Variants in TRPS1 observed in about 807,000 individuals in gnomAD.
The protein encoded by TRPS1 is transcriptional repressor GATA binding 1.
TRPS1 carries 6 observed loss-of-function variants against 101.2 expected under a neutral mutation model. The observed-to-expected ratio is 0.06, with a 90% CI of 0.03 to 0.12. TRPS1 has a LOEUF of 0.12. Among genes scored for constraint, TRPS1 ranks in the 10% least tolerant of loss-of-function variants. The probability of loss-of-function intolerance (pLI) is 1.00; values close to 1 mark genes in which losing one functional copy is unlikely to be tolerated. For missense variants in TRPS1, 1,363 were observed against 1,567.0 expected, an observed-to-expected ratio of 0.87 and a Z score of 2.20; for synonymous variants, 578 against 589.8, an observed-to-expected ratio of 0.98 and a Z score of 0.29.
chr8:115,428,824 G>C (rs542756239), intron 5 of TRPS1, among the ~76,000 whole-genome samples: 4 of 152,144 alleles, frequency 2.6e-5, no homozygotes, highest in African/African-American at 9.6e-5. Context: ...ATTCAATTTT[G>C]TATGTCCTCA....
intron 5 of TRPS1, among the ~76,000 whole-genome samples, chr8:115,487,518 A>C (rs1308932426): frequency 6.6e-6 from 1 of 152,180 alleles, no homozygotes; most frequent in Non-Finnish European, 1.5e-5. Flanking sequence ...GAAAACCTTC[A>C]AAAAAGGATT....
At position 115,587,016 on chromosome 8, in the gene TRPS1, G is replaced by C. The variant is rs1225462035; in HGVS notation, c.2685C>G (p.Ser895=). 1.9e-6 allele frequency: 3 copies of C among 1,614,154 alleles called. No individual in the cohort carries two copies. In the South Asian group the frequency reaches 3.3e-5, roughly 18 times the overall value. ...ASGENKSKDE[S]QSLLRRRRGS... is the part of the protein sequence containing the mutation. ...ACCATCCTACCCGTAACAGGGACTG[G>C]GATTCATCCTTGGACTTGTTTTCTC... The change falls in exon 5 of 7, where the codon TCC becomes TCG. Residue 895 remains serine (S), a synonymous_variant. Coordinates refer to ENST00000395715, the MANE Select transcript of TRPS1 (RefSeq NM_014112.5).
chr8:115,417,603 G>A (rs1248316578), intron 6 of TRPS1, among the ~76,000 whole-genome samples: 1 of 152,098 alleles, frequency 6.6e-6, no homozygotes, highest in Non-Finnish European at 1.5e-5. Flanking sequence ...TTCAGATGGA[G>A]GATTTGTGAG....
At chr8:115,602,346 ATATCCACGC>A (rs1182472337) in intron 4 of TRPS1, among the ~76,000 whole-genome samples, 1 of 152,218 alleles carries the variant, frequency 6.6e-6, no homozygotes, top group African/African-American at 2.4e-5. Context: ...ACATACACAC[ATATCCACGC>A]TAGTAAAGCT....
At chr8:115,631,401 T>C (rs1444727352) in intron 1 of TRPS1, among the ~76,000 whole-genome samples, 1 of 152,116 alleles carries the variant, frequency 6.6e-6, no homozygotes, top group Non-Finnish European at 1.5e-5. Context: ...TCAATATATA[T>C]AAATAGCTAC....
At position 115,617,108 on chromosome 8, in the gene TRPS1, G is replaced by A. The variant is rs572238366; in HGVS notation, c.966+2024C>T. On this transcript the variant is annotated intron_variant, in intron 3 of 6. Transcript: ENST00000395715. Reference sequence around the variant, plus strand: ...AAATTGAAGTTAACCCTTTAGATGCGTTTCAAAATCCAATTGTTTGTTTGA... The same window carrying A: ...AAATTGAAGTTAACCCTTTAGATGCATTTCAAAATCCAATTGTTTGTTTGA... Among the ~76,000 whole-genome samples, 41 of 152,238 alleles carry A rather than the reference G, an allele frequency of 2.7e-4. No homozygotes were observed. The South Asian group carries it at 6.0e-3, about 22-fold the overall frequency.
chr8:115,445,340 G>A (rs956524130), intron 5 of TRPS1, among the ~76,000 whole-genome samples: 27 of 152,086 alleles, frequency 1.8e-4, no homozygotes, highest in African/African-American at 5.1e-4. Flanking sequence ...AGCCTACCTC[G>A]TCAGCTAAAC....
chr8:115,665,809 A>C (rs1811908193), intron 1 of TRPS1, among the ~76,000 whole-genome samples: 1 of 152,198 alleles, frequency 6.6e-6, no homozygotes, highest in African/African-American at 2.4e-5. Context: ...CAGCATCTAG[A>C]ATTCAAAGGA....
intron 1 of TRPS1, chr8:115,668,268 T>A: frequency 5.1e-6 from 1 of 195,994 alleles, no homozygotes; most frequent in Non-Finnish European, 9.9e-6. Context: ...AATCACACGC[T>A]CAAAAAGGAA....
chr8:115,603,838 G>T, intron 4 of TRPS1, 35 bp downstream of exon 4: 1 of 1,610,500 alleles, frequency 6.2e-7, no homozygotes, highest in Non-Finnish European at 8.5e-7. Flanking sequence ...TATTTTATTT[G>T]TATATTCCTC....
In TRPS1 at chr8:115,532,244, A is replaced by AT. The variant is rs35571991; in HGVS notation, c.2700+54756dup. Among the ~76,000 whole-genome samples, 712 of 149,588 alleles carry AT rather than the reference A, an allele frequency of 4.8e-3. 4 individuals carry two copies. Among genetic ancestry groups the AT allele is most frequent in the African/African-American group, 8.6e-3 (353 of 40,884 alleles). ...AAGAAATGGAATGAAATCAGAGCGCATTTTTTTTTTTTTACCATACATGGT... is the reference window on the plus strand; with the variant it reads ...AAGAAATGGAATGAAATCAGAGCGCATTTTTTTTTTTTTTACCATACATGGT... On this transcript the variant is annotated intron_variant, in intron 5 of 6. Transcript: ENST00000395715.
chr8:115,509,124 A>G (rs921893222), intron 5 of TRPS1, among the ~76,000 whole-genome samples: 1 of 151,964 alleles, frequency 6.6e-6, no homozygotes, highest in Non-Finnish European at 1.5e-5. Flanking sequence ...GTGTCAGATC[A>G]TTTCTTTTTT....
At chr8:115,579,555 T>C (rs987984753) in intron 5 of TRPS1, among the ~76,000 whole-genome samples, 1 of 152,130 alleles carries the variant, frequency 6.6e-6, no homozygotes, top group Admixed American at 6.6e-5. Flanking sequence ...AGAAATCTAT[T>C]TTAAAAATCT....
intron 1 of TRPS1, among the ~76,000 whole-genome samples, chr8:115,629,271 C>A (rs1190280357): frequency 6.6e-6 from 1 of 151,080 alleles, no homozygotes; most frequent in Non-Finnish European, 1.5e-5. Context: ...GTTTTTTTTC[C>A]AGAAGAGCTA....
Position 115,410,669 on chromosome 8 carries a change from G to T in TRPS1, c.*3354C>A, listed in dbSNP as rs1259079560. 1.3e-5 allele frequency: 2 copies of T among 152,484 alleles called. No individual in the cohort carries two copies. The highest frequency in any genetic ancestry group is 4.8e-5 in the African/African-American group (2 of 41,424). The allele number at this position is 152,484 out of a possible 1,614,324, so 9.4% of individuals were successfully genotyped here. ...ATTTTTCTATCCCAAACAACAGAATGAATACAGAGGTGAGTGATGAGAGAA... is the reference window on the plus strand; with the variant it reads ...ATTTTTCTATCCCAAACAACAGAATTAATACAGAGGTGAGTGATGAGAGAA... On this transcript the variant is annotated 3_prime_UTR_variant, in exon 7 of 7. Transcript: ENST00000395715.
At chr8:115,489,286 C>T (rs181771219) in intron 5 of TRPS1, among the ~76,000 whole-genome samples, 2 of 152,226 alleles carry the variant, frequency 1.3e-5, no homozygotes, top group Admixed American at 6.5e-5. Flanking sequence ...CCAGTTACTC[C>T]CATTATACCA....
intron 5 of TRPS1, among the ~76,000 whole-genome samples, chr8:115,523,338 A>G (rs905584540): frequency 6.6e-6 from 1 of 152,166 alleles, no homozygotes; most frequent in Non-Finnish European, 1.5e-5. Flanking sequence ...TCCGTCAGGA[A>G]TATGCACCAT....
intron 4 of TRPS1, among the ~76,000 whole-genome samples, chr8:115,599,584 C>G (rs573814240): frequency 1.3e-5 from 2 of 152,264 alleles, no homozygotes; most frequent in African/African-American, 4.8e-5. Context: ...TAAGTGAGAA[C>G]ATGCGGTGTT....
At chr8:115,467,422 A>C (rs1014978466) in intron 5 of TRPS1, among the ~76,000 whole-genome samples, 1 of 150,412 alleles carries the variant, frequency 6.6e-6, no homozygotes, top group African/African-American at 2.5e-5. Flanking sequence ...AAGCAATTTG[A>C]CCTTTTGTTA....
Sources: allele counts gnomAD v4.1 joint callset (sites outside exome capture counted in the v4.1 genomes callset), GRCh38; gene constraint gnomAD v4.1.1; transcripts MANE v1.5; gene names NCBI Gene and HGNC (gene_info 2026-07-23, HGNC 2026-07-21).